Variants in POU6F2 observed in about 807,000 individuals in gnomAD.
The protein encoded by POU6F2 is POU class 6 homeobox 2, also known as POU domain, class 6, transcription factor 2.
Under a neutral mutation model 71.3 loss-of-function variants are expected in POU6F2, and 31 were observed. The observed-to-expected ratio is 0.43, with a 90% CI of 0.33 to 0.59. POU6F2 has a LOEUF of 0.59. POU6F2 is among the 20% of genes least tolerant of loss of function. POU6F2 has a pLI of 0.04. For synonymous variants in POU6F2, 347 were observed against 355.7 expected (o/e 0.98, Z 0.27); for missense variants, 783 against 856.8 (o/e 0.91, Z 1.07).
intron 4 of POU6F2, among the ~76,000 whole-genome samples, chr7:39,276,409 C>T (rs1364430906): frequency 3.3e-5 from 5 of 152,098 alleles, no homozygotes; most frequent in Non-Finnish European, 5.9e-5. Flanking sequence ...ACAACAGGTG[C>T]TGGAGGGGAT....
At chr7:39,104,740 A>G (rs960179867) in intron 2 of POU6F2, among the ~76,000 whole-genome samples, 3 of 152,252 alleles carry the variant, frequency 2.0e-5, no homozygotes, top group African/African-American at 7.2e-5. Context: ...CAACAAATTA[A>G]TGGACAGGTT....
At chr7:39,102,452 C>T (rs963687010) in intron 2 of POU6F2, among the ~76,000 whole-genome samples, 1 of 152,072 alleles carries the variant, frequency 6.6e-6, no homozygotes, top group Non-Finnish European at 1.5e-5. Flanking sequence ...CCCTAGAGGA[C>T]AGACAATAGA....
intron 1 of POU6F2, among the ~76,000 whole-genome samples, chr7:38,998,456 G>T (rs531396437): frequency 6.6e-6 from 1 of 152,190 alleles, no homozygotes; most frequent in East Asian, 1.9e-4. Context: ...CATACAATAT[G>T]ATCTCATTTT....
chr7:39,126,248 C>T (rs1350534632), intron 2 of POU6F2, among the ~76,000 whole-genome samples: 1 of 152,170 alleles, frequency 6.6e-6, no homozygotes, highest in African/African-American at 2.4e-5. Flanking sequence ...TAAATCATCT[C>T]ATATCCAGGG....
At position 39,243,655 on chromosome 7, in the gene POU6F2, G is replaced by C. The variant is rs566428849; in HGVS notation, c.598+36035G>C. On this transcript the variant is annotated intron_variant, in intron 4 of 9. Transcript: ENST00000518318. Reference sequence around the variant, plus strand: ...ATAAGAGATGCTAATTGTAGTATCAGTAATTTATTCTAGGAACCAAGACAG... The same window carrying C: ...ATAAGAGATGCTAATTGTAGTATCACTAATTTATTCTAGGAACCAAGACAG... Among the ~76,000 whole-genome samples the C allele has an allele frequency of 7.9e-5, 12 of 151,966 alleles. No individual in the cohort carries two copies. In the South Asian group the frequency reaches 2.5e-3, roughly 32 times the overall value.
intron 5 of POU6F2, among the ~76,000 whole-genome samples, chr7:39,399,463 A>G (rs1787250053): frequency 1.3e-5 from 2 of 152,176 alleles, no homozygotes; most frequent in South Asian, 4.1e-4. Context: ...CTCCTCATGC[A>G]CAATAATTTG....
intron 1 of POU6F2, among the ~76,000 whole-genome samples, chr7:39,030,474 C>A (rs1293732239): frequency 7.8e-6 from 1 of 127,456 alleles, no homozygotes; most frequent in African/African-American, 2.8e-5. Flanking sequence ...TTTTGCTAAT[C>A]TCCTGTATTG....
chr7:39,246,616 A>G lies in POU6F2; in HGVS notation c.598+38996A>G, dbSNP rs147058753. 1.6e-3 allele frequency among the ~76,000 whole-genome samples: 239 copies of G among 152,300 alleles called. 1 individual carries two copies. The highest frequency in any genetic ancestry group is 5.4e-3 in the African/African-American group (225 of 41,578). ...GATAAAAGAACAACCTAACTATCCC[A>G]TGAAATTGATGGGATGACTCTGAGA... On this transcript the variant is annotated intron_variant, in intron 4 of 9. Transcript: ENST00000518318.
At chr7:39,192,799 G>A (rs573999421) in intron 2 of POU6F2, among the ~76,000 whole-genome samples, 60 of 152,192 alleles carry the variant, frequency 3.9e-4, no homozygotes, top group African/African-American at 1.2e-3. Flanking sequence ...TCTGATACAA[G>A]TTAGGAGCTG....
At chr7:39,415,615 C>T (rs1787656106) in intron 6 of POU6F2, among the ~76,000 whole-genome samples, 3 of 152,206 alleles carry the variant, frequency 2.0e-5, no homozygotes, top group Admixed American at 6.5e-5. Context: ...AATACTGTAA[C>T]GAATGTTCAC....
intron 2 of POU6F2, among the ~76,000 whole-genome samples, chr7:39,190,542 A>G (rs1793641821): frequency 6.7e-6 from 1 of 150,150 alleles, no homozygotes; most frequent in Non-Finnish European, 1.5e-5. Context: ...CAGATGCAGA[A>G]TTTTCTAGAT....
intron 1 of POU6F2, among the ~76,000 whole-genome samples, chr7:39,051,890 T>C (rs1051077074): frequency 6.6e-6 from 1 of 152,102 alleles, no homozygotes; most frequent in African/African-American, 2.4e-5. Context: ...AAGCTGAGGG[T>C]GTCCTTGTCA....
intron 5 of POU6F2, among the ~76,000 whole-genome samples, chr7:39,358,786 G>A (rs375409894): frequency 2.0e-5 from 3 of 151,606 alleles, no homozygotes; most frequent in South Asian, 4.2e-4. Context: ...GTCGGATCAG[G>A]TGTGCTTTAT....
chr7:38,991,326 G>T (rs1788598150), intron 1 of POU6F2, among the ~76,000 whole-genome samples: 1 of 152,030 alleles, frequency 6.6e-6, no homozygotes, highest in Non-Finnish European at 1.5e-5. Flanking sequence ...TTCTTAGTTT[G>T]TTTTCATTTA....
At chr7:38,986,704 A>G (rs1434630167) in intron 1 of POU6F2, among the ~76,000 whole-genome samples, 1 of 152,166 alleles carries the variant, frequency 6.6e-6, no homozygotes, top group Non-Finnish European at 1.5e-5. Flanking sequence ...ATGGCAAACC[A>G]TTGCAATAGC....
In POU6F2 at chr7:39,432,287, A is replaced by G. The variant is rs1387436830; in HGVS notation, c.1114-790A>G. 2.6e-5 allele frequency among the ~76,000 whole-genome samples: 4 copies of G among 152,008 alleles called. No homozygotes were observed. In the East Asian group the frequency reaches 7.7e-4, roughly 29 times the overall value. On this transcript the variant is annotated intron_variant, in intron 6 of 9. Coordinates refer to ENST00000518318, the MANE Select transcript of POU6F2 (RefSeq NM_001370959.1). ...CCCTGCCACCTGCCACAGAAGCCCC[A>G]AGCCCCTCACCTTTAGGCCCTGGCT...
chr7:39,308,505 C>A (rs1219645173), intron 4 of POU6F2, among the ~76,000 whole-genome samples: 1 of 152,136 alleles, frequency 6.6e-6, no homozygotes, highest in Non-Finnish European at 1.5e-5. Flanking sequence ...TAATCTAGAA[C>A]CCACGGAAAG....
At chr7:39,259,097 T>C (rs1317987023) in intron 4 of POU6F2, among the ~76,000 whole-genome samples, 2 of 152,160 alleles carry the variant, frequency 1.3e-5, no homozygotes, top group Non-Finnish European at 2.9e-5. Flanking sequence ...AATCACTCTA[T>C]CAAAAGTTGG....
intron 4 of POU6F2, among the ~76,000 whole-genome samples, chr7:39,215,537 T>C (rs1294125903): frequency 1.3e-5 from 2 of 152,194 alleles, no homozygotes; most frequent in Non-Finnish European, 2.9e-5. Flanking sequence ...ATTTTTGTTT[T>C]TCTATTAAGG....
Sources: gnomAD v4.1 joint callset for allele counts (sites outside exome capture counted in the v4.1 genomes callset) on GRCh38, gnomAD v4.1.1 for gene constraint, MANE v1.5 for transcripts, NCBI Gene and HGNC (gene_info 2026-07-23, HGNC 2026-07-21) for gene names.